The following TRPC4AP variants were observed in gnomAD, a reference collection of about 807,000 sequenced individuals.
TRPC4AP encodes the protein transient receptor potential cation channel subfamily C member 4 associated protein, also known as short transient receptor potential channel 4-associated protein.
A neutral mutation model predicts 99.0 loss-of-function variants in TRPC4AP; 45 were observed. The observed-to-expected ratio is 0.45, with a 90% CI of 0.36 to 0.58. The LOEUF (loss-of-function observed/expected upper bound fraction) is 0.58, where lower values mean the gene tolerates loss of function less well. Among genes scored for constraint, TRPC4AP ranks in the 20% least tolerant of loss-of-function variants. The pLI is 0.00. For missense variants in TRPC4AP, 879 were observed against 985.3 expected (o/e 0.89, Z 1.44); for synonymous variants, 408 against 385.8 (o/e 1.06, Z -0.67).
At chr20:35,054,227 AT>A (rs1488042517) in intron 5 of TRPC4AP, among the ~76,000 whole-genome samples, 9 of 151,664 alleles carry the variant, frequency 5.9e-5, no homozygotes, top group Non-Finnish European at 1.0e-4. Flanking sequence ...CAGGGTTCAC[AT>A]TTATAATAGC....
At chr20:35,033,218 G>A (rs575331809) in intron 8 of TRPC4AP, among the ~76,000 whole-genome samples, 2 of 152,246 alleles carry the variant, frequency 1.3e-5, no homozygotes, top group African/African-American at 2.4e-5. Flanking sequence ...GTAATATACT[G>A]TAGCAACTCT....
At chr20:35,052,104 T>A (rs1027897117) in intron 5 of TRPC4AP, among the ~76,000 whole-genome samples, 1 of 151,578 alleles carries the variant, frequency 6.6e-6, no homozygotes, top group Non-Finnish European at 1.5e-5. Context: ...TTTGGTTTTT[T>A]TTTTTTTTTG....
chr20:35,034,299 C>A (rs1189715688), intron 8 of TRPC4AP, among the ~76,000 whole-genome samples: 2 of 152,036 alleles, frequency 1.3e-5, no homozygotes, highest in East Asian at 1.9e-4. Flanking sequence ...ATTCTCAGAG[C>A]AGGGTCAGTA....
intron 8 of TRPC4AP, among the ~76,000 whole-genome samples, chr20:35,021,657 C>T (rs2082893560): frequency 6.6e-6 from 1 of 152,198 alleles, no homozygotes; most frequent in Non-Finnish European, 1.5e-5. Context: ...CCTTCTCCTG[C>T]CACCAACCAG....
intron 1 of TRPC4AP, among the ~76,000 whole-genome samples, chr20:35,087,628 G>GC (rs1378096574): frequency 6.6e-6 from 1 of 152,102 alleles, no homozygotes; most frequent in African/African-American, 2.4e-5. Context: ...CCATGGTAAG[G>GC]AATCCAGAAT....
intron 7 of TRPC4AP, among the ~76,000 whole-genome samples, chr20:35,042,104 C>A (rs2083457636): frequency 6.6e-6 from 1 of 152,100 alleles, no homozygotes; most frequent in African/African-American, 2.4e-5. Context: ...GTTGGAAAGT[C>A]ACATATTTTT....
chr20:35,047,302 T>C (rs1209133125), intron 6 of TRPC4AP, among the ~76,000 whole-genome samples: 2 of 152,226 alleles, frequency 1.3e-5, no homozygotes, highest in Non-Finnish European at 2.9e-5. Context: ...ATTATTGCCT[T>C]GCCATTTAAA....
intron 7 of TRPC4AP, among the ~76,000 whole-genome samples, chr20:35,040,894 G>C (rs985171976): frequency 6.6e-6 from 1 of 152,134 alleles, no homozygotes; most frequent in African/African-American, 2.4e-5. Flanking sequence ...CCTAATACAG[G>C]GAAGTAATTA....
chr20:35,086,523 ATATGTGTGTGTGTGTGTGTGTGTGTGTG>A lies in TRPC4AP; in HGVS notation c.168+6063_168+6090del, dbSNP rs1170331724. Among the ~76,000 whole-genome samples, 13 of 99,142 alleles carry A rather than the reference ATATGTGTGTGTGTGTGTGTGTGTGTGTG, an allele frequency of 1.3e-4. 1 individual carries two copies. The highest frequency in any genetic ancestry group is 4.0e-4 in the African/African-American group (10 of 24,882). 65.0% of individuals were successfully genotyped at this position (99,142 alleles called of 152,430 possible). A position where few individuals can be genotyped will look rare whatever the true frequency, so the allele number is the denominator to read the frequency against. ...TGTATATATATGTGTGTGTGTGTAT[ATATGTGTGTGTGTGTGTGTGTGTGTGTG>A]TGTGTGTGTGTGTGTGTGTGTGTGT... On this transcript the variant is annotated intron_variant, in intron 1 of 18. Coordinates refer to ENST00000252015, the MANE Select transcript of TRPC4AP (RefSeq NM_015638.3).
intron 1 of TRPC4AP, 35 bp downstream of exon 1, chr20:35,092,577 TCC>T: frequency 9.1e-6 from 13 of 1,426,358 alleles, no homozygotes; most frequent in Admixed American, 2.9e-5. Flanking sequence ...TCCCGCCTGG[TCC>T]GCCCCGCCCC....
At chr20:35,076,968 C>T (rs2084496486) in intron 2 of TRPC4AP, among the ~76,000 whole-genome samples, 1 of 152,188 alleles carries the variant, frequency 6.6e-6, no homozygotes, top group Non-Finnish European at 1.5e-5. Context: ...CAGTTGTGGA[C>T]ACCCCTCCCC....
chr20:35,007,996 T>G (rs1018504723), intron 13 of TRPC4AP, among the ~76,000 whole-genome samples: 1 of 152,110 alleles, frequency 6.6e-6, no homozygotes, highest in African/African-American at 2.4e-5. Flanking sequence ...GGAATGTGTG[T>G]GGGAAGCGGA....
At chr20:35,019,321 A>T (rs746362229) in intron 9 of TRPC4AP, among the ~76,000 whole-genome samples, 1 of 152,174 alleles carries the variant, frequency 6.6e-6, no homozygotes, top group Non-Finnish European at 1.5e-5. Context: ...GTCCCTTCCC[A>T]AGGAACCAGC....
intron 1 of TRPC4AP, 46 bp downstream of exon 1, chr20:35,092,568 C>CCCG (rs1476068472): frequency 1.3e-5 from 18 of 1,401,790 alleles, no homozygotes; most frequent in Non-Finnish European, 1.4e-5. Flanking sequence ...CCCGCCAGCT[C>CCCG]CCGCCTGGTC....
chr20:35,010,423 A>C (rs1600505195), intron 11 of TRPC4AP, 135 bp from the exon 12 acceptor site: 2 of 677,274 alleles, frequency 3.0e-6, no homozygotes, highest in Non-Finnish European at 5.1e-6. Context: ...TTCCTCTAGC[A>C]CCTCTCACTC....
chr20:35,081,433 G>C (rs2084642459), intron 1 of TRPC4AP, among the ~76,000 whole-genome samples: 1 of 151,884 alleles, frequency 6.6e-6, no homozygotes, highest in South Asian at 2.1e-4. Flanking sequence ...AGGATCCCTT[G>C]ATGCTAGGAG....
intron 1 of TRPC4AP, among the ~76,000 whole-genome samples, chr20:35,085,700 G>A (rs1024823065): frequency 6.6e-6 from 1 of 151,824 alleles, no homozygotes; most frequent in Non-Finnish European, 1.5e-5. Flanking sequence ...CATCTTCCCA[G>A]TTGAATTACT....
chr20:35,039,839 ATAAT>A (rs1328845192), intron 7 of TRPC4AP, among the ~76,000 whole-genome samples: 1 of 151,942 alleles, frequency 6.6e-6, no homozygotes, highest in Non-Finnish European at 1.5e-5. Flanking sequence ...GACTCAAAAA[ATAAT>A]TATTTATTTT....
In TRPC4AP at chr20:35,078,059, T is replaced by C; in HGVS notation, c.284A>G (p.Gln95Arg). ...CTTAAGAGTTACCTTGAGGATGTTTTGACACTCAACAAAGTCACTGTGGAG... is the reference window on the plus strand; with the variant it reads ...CTTAAGAGTTACCTTGAGGATGTTTCGACACTCAACAAAGTCACTGTGGAG... ...SHLHSDFVEC[Q>R]NILKEISPLL... The change falls in exon 2 of 19, where the codon CAA (glutamine) becomes CGA (arginine). Residue 95 changes from glutamine to arginine, a missense_variant. By Grantham distance (43) the Gln-to-Arg change is conservative (BLOSUM62 1). This residue lies in a region of TRPC4AP where 603 missense variants were observed against 631.8 expected (regional missense o/e 0.95). Transcript: ENST00000252015. 1 of 1,613,400 alleles carries C rather than the reference T, an allele frequency of 6.2e-7. No individual in the cohort carries two copies. Among genetic ancestry groups the C allele is most frequent in the Non-Finnish European group, 8.5e-7 (1 of 1,179,482 alleles).
Sources: gnomAD v4.1 joint callset for allele counts (sites outside exome capture counted in the v4.1 genomes callset) on GRCh38, gnomAD v4.1.1 for gene constraint, gnomAD v4.1.1 regional missense constraint, MANE v1.5 for transcripts, NCBI Gene and HGNC (gene_info 2026-07-23, HGNC 2026-07-21) for gene names.